Variants in BTNL9 observed in about 807,000 individuals in gnomAD.
BTNL9 encodes butyrophilin-like protein 9.
BTNL9 carries 45 observed loss-of-function variants against 45.8 expected under a neutral mutation model. That is an observed-to-expected ratio of 0.98 (90% confidence interval 0.77 to 1.26). The LOEUF (loss-of-function observed/expected upper bound fraction) is 1.26. Ranked by LOEUF, BTNL9 falls within the 50% of genes most tolerant of loss-of-function variation. BTNL9 has a pLI of 0.00. For synonymous variants in BTNL9, 346 were observed against 330.8 expected, an observed-to-expected ratio of 1.05 and a Z score of -0.50; for missense variants, 784 against 729.7, an observed-to-expected ratio of 1.07 and a Z score of -0.86.
chr5:181,051,096 A>AC (rs1175907662), intron 4 of BTNL9, among the ~76,000 whole-genome samples: 1 of 151,756 alleles, frequency 6.6e-6, no homozygotes, highest in Non-Finnish European at 1.5e-5. Flanking sequence ...AAACAAAAAA[A>AC]AAAAAAACAA....
At position 181,060,218 on chromosome 5, in the gene BTNL9, T is replaced by C. The variant is rs956442299; in HGVS notation, c.*356T>C. 1.7e-5 allele frequency: 4 copies of C among 237,078 alleles called. No homozygotes were observed. Among genetic ancestry groups the C allele is most frequent in the African/African-American group, 9.0e-5 (4 of 44,678 alleles). The allele number at this position is 237,078 out of a possible 1,614,324, so 14.7% of individuals were successfully genotyped here. A position where few individuals can be genotyped will look rare whatever the true frequency, so the allele number is the denominator to read the frequency against. ...TAGAGGGATCAGTTAATTTGTATAG[T>C]TTTATATTTTTTGTATATGTTTGCT... On this transcript the variant is annotated 3_prime_UTR_variant, in exon 11 of 11. Transcript: ENST00000327705.
At chr5:181,046,700 AGAGAGAGAGG>A (rs1761188808) in intron 2 of BTNL9, among the ~76,000 whole-genome samples, 1 of 147,992 alleles carries the variant, frequency 6.8e-6, no homozygotes, top group African/African-American at 2.7e-5. Flanking sequence ...AGAGAGAGCG[AGAGAGAGAGG>A]GAGAGAGAGA....
chr5:181,048,817 G>GTTATATAATATTATATAATTATATTAT (rs1761361496), intron 3 of BTNL9, among the ~76,000 whole-genome samples: 2 of 134,058 alleles, frequency 1.5e-5, no homozygotes, highest in Non-Finnish European at 3.1e-5. Context: ...AATTATATTA[G>GTTATATAATATTATATAATTATATTAT]TTATATAATA....
At chr5:181,054,136 C>T in intron 6 of BTNL9, 103 bp from the exon 7 acceptor site, 2 of 1,573,540 alleles carry the variant, frequency 1.3e-6, no homozygotes, top group Non-Finnish European at 8.6e-7. Context: ...AGTGCCGCAT[C>T]GGAGGTGAGG....
rs376120558 is a variant in BTNL9 at position 181,044,201 on chromosome 5, C to A, written c.-23-1266C>A. ...CCTCATTAACTCACCCTGCACACCT[C>A]CTCTGATCCTTCTGCCTCTGCATGG... On this transcript the variant is annotated intron_variant, in intron 1 of 10. Transcript: ENST00000327705. 5.6e-4 allele frequency among the ~76,000 whole-genome samples: 86 copies of A among 152,334 alleles called. 2 individuals are homozygous for A. In the East Asian group the frequency reaches 0.013, roughly 23 times the overall value.
At chr5:181,056,320 C>G (rs1024364646) in intron 9 of BTNL9, among the ~76,000 whole-genome samples, 8 of 152,148 alleles carry the variant, frequency 5.3e-5, no homozygotes, top group African/African-American at 1.4e-4. Flanking sequence ...TCTCTGCATA[C>G]CTCCCTCTAT....
Position 181,057,008 on chromosome 5 carries a change from C to CTGTG in BTNL9, c.955+1026_955+1029dup, listed in dbSNP as rs55829278. 4.7e-3 allele frequency: 765 copies of CTGTG among 161,628 alleles called. 4 individuals are homozygous for CTGTG. The highest frequency in any genetic ancestry group is 1.0e-2 in the African/African-American group (402 of 40,220). The allele number at this position is 161,628 out of a possible 1,614,324, so 10.0% of individuals were successfully genotyped here. ...TATTATTAACAGGAATATTATATAT[C>CTGTG]TGTGTGTGTGTGTGTGTGTGTGTGT... On this transcript the variant is annotated intron_variant, in intron 9 of 10. Transcript: ENST00000327705.
rs1251765922 is a variant in BTNL9, at chr5:181,050,826, C to T, written c.736+457C>T. ...AGGTGCAGCCGGGTGCAGTGGCTCACGCCTGTAATCCCAGCACTTTGGGAG... is the reference window on the plus strand; with the variant it reads ...AGGTGCAGCCGGGTGCAGTGGCTCATGCCTGTAATCCCAGCACTTTGGGAG... On this transcript the variant is annotated intron_variant, in intron 4 of 10. Transcript: ENST00000327705. The surrounding 1 kb of genome is among the most constrained non-coding windows in gnomAD (Gnocchi z 4.9). 2.6e-5 allele frequency among the ~76,000 whole-genome samples: 4 copies of T among 152,192 alleles called. No individual in the cohort carries two copies. The highest frequency in any genetic ancestry group is 1.9e-4 in the East Asian group (1 of 5,172).
chr5:181,058,262 C>A, intron 9 of BTNL9, 90 bp from the exon 10 acceptor site: 2 of 1,432,440 alleles, frequency 1.4e-6, no homozygotes, highest in Non-Finnish European at 2.0e-6. Flanking sequence ...GATCTGCATG[C>A]ATCCCTCATA....
intron 9 of BTNL9, among the ~76,000 whole-genome samples, chr5:181,058,053 G>A (rs555696032): frequency 1.2e-4 from 19 of 152,258 alleles, no homozygotes; most frequent in Non-Finnish European, 2.4e-4. Context: ...GTCTCTCAGG[G>A]CATCCAGGCT....
At chr5:181,049,153 G>C (rs1395173849) in intron 3 of BTNL9, among the ~76,000 whole-genome samples, 1 of 151,856 alleles carries the variant, frequency 6.6e-6, no homozygotes, top group Non-Finnish European at 1.5e-5. Flanking sequence ...GGGAAATTTG[G>C]TAATACTTAA....
At chr5:181,052,380 C>T (rs1761588373) in intron 4 of BTNL9, among the ~76,000 whole-genome samples, 1 of 152,172 alleles carries the variant, frequency 6.6e-6, no homozygotes, top group Non-Finnish European at 1.5e-5. Flanking sequence ...GATGAAGAAA[C>T]TTCTGGAGAT....
Position 181,048,848 on chromosome 5 carries a change from TATA to T in BTNL9, c.454+581_454+583del, listed in dbSNP as rs543704885. ...TAATATTATATAATTATATTAGTTATATAATATTATATAATTATATTAGTTATA... is the reference window on the plus strand; with the variant it reads ...TAATATTATATAATTATATTAGTTATATATTATATAATTATATTAGTTATA... On this transcript the variant is annotated intron_variant, in intron 3 of 10. Coordinates refer to ENST00000327705, the MANE Select transcript of BTNL9 (RefSeq NM_152547.5). 2.4e-3 allele frequency among the ~76,000 whole-genome samples: 325 copies of T among 135,664 alleles called. 4 individuals are homozygous for T. Among genetic ancestry groups the T allele is most frequent in the African/African-American group, 8.2e-3 (285 of 34,770 alleles). 89.0% of individuals were successfully genotyped at this position (135,664 alleles called of 152,430 possible). A position where few individuals can be genotyped will look rare whatever the true frequency, so the allele number is the denominator to read the frequency against.
chr5:181,051,712 A>T (rs1761548263), intron 4 of BTNL9, among the ~76,000 whole-genome samples: 1 of 151,898 alleles, frequency 6.6e-6, no homozygotes, highest in African/African-American at 2.4e-5. Flanking sequence ...GAAAGAACTG[A>T]TATATTTTCT....
At chr5:181,049,066 A>G (rs2113195960) in intron 3 of BTNL9, among the ~76,000 whole-genome samples, 1 of 151,284 alleles carries the variant, frequency 6.6e-6, no homozygotes, top group East Asian at 1.9e-4. Context: ...TCTTCCATGT[A>G]CTGTTAATGG....
intron 4 of BTNL9, chr5:181,052,989 G>GC (rs1461544058): frequency 3.0e-5 from 4 of 132,102 alleles, no homozygotes; most frequent in African/African-American, 1.4e-4. Flanking sequence ...CCTCCCGCAC[G>GC]CCCCGCGGCG....
rs529232979 is a variant in BTNL9, at chr5:181,059,636, C to T, written c.1382C>T (p.Ser461Phe). ...CTGGACTACGAGGCCGGAGAGCTGT[C>T]CTTCTTCAACGTGTCCGACGGCTCC... Reference protein sequence around the residue: ...VFLDYEAGELSFFNVSDGSHI... With the variant: ...VFLDYEAGELFFFNVSDGSHI... The change falls in exon 11 of 11, where the codon TCC becomes TTC. Residue 461 changes from serine (S) to phenylalanine (F), a missense_variant. Ser to Phe is a radical substitution (Grantham distance 155). Transcript: ENST00000327705. 3 of 1,613,666 alleles carry T rather than the reference C, an allele frequency of 1.9e-6. No individual in the cohort carries two copies. In the South Asian group the frequency reaches 3.3e-5, roughly 18 times the overall value.
intron 2 of BTNL9, among the ~76,000 whole-genome samples, chr5:181,047,685 C>T (rs1182588943): frequency 6.6e-6 from 1 of 152,180 alleles, no homozygotes; most frequent in African/African-American, 2.4e-5. Flanking sequence ...TTGGATGAAA[C>T]CAGTTACCAG....
rs11949170 is a variant in BTNL9, at chr5:181,055,495, T to C, written c.928+42T>C. The C allele has an allele frequency of 2.5e-3, 4,066 of 1,610,354 alleles. 97 individuals carry two copies. In the African/African-American group the frequency reaches 0.047, roughly 19 times the overall value. On this transcript the variant is annotated intron_variant, in intron 8 of 10. Coordinates refer to ENST00000327705, the MANE Select transcript of BTNL9 (RefSeq NM_152547.5). This position sits in a 1 kb window ranked among gnomAD's most constrained non-coding sequence, Gnocchi z 4.4. ...AGAACTATTTCTCCTCAGGGCCGGG[T>C]CCAGTGGCTCACACCTGTAATCCCA... is the stretch of plus-strand genomic sequence containing the variant.
Sources: allele counts gnomAD v4.1 joint callset (sites outside exome capture counted in the v4.1 genomes callset), GRCh38; gene constraint gnomAD v4.1.1; non-coding constraint Gnocchi (gnomAD v3.1); transcripts MANE v1.5; gene names NCBI Gene and HGNC (gene_info 2026-07-23, HGNC 2026-07-21).